The following PRKAB2 variants were observed in gnomAD, a reference collection of about 807,000 sequenced individuals.
PRKAB2 encodes 5'-AMP-activated protein kinase subunit beta-2.
PRKAB2 carries 18 observed loss-of-function variants against 29.8 expected under a neutral mutation model. That is an observed-to-expected ratio of 0.60 (90% CI 0.42 to 0.89). The LOEUF (loss-of-function observed/expected upper bound fraction) is 0.89, where lower values mean the gene tolerates loss of function less well. PRKAB2 is among the 40% of genes least tolerant of loss of function. The pLI, the probability that PRKAB2 is intolerant of heterozygous loss-of-function variation, is 0.00. For missense variants in PRKAB2, 270 were observed against 344.3 expected, an observed-to-expected ratio of 0.78 and a Z score of 1.71; for synonymous variants, 136 against 125.9, an observed-to-expected ratio of 1.08 and a Z score of -0.54.
At chr1:147,167,694 T>C in intron 3 of PRKAB2, 73 bp downstream of exon 3, 1 of 1,515,610 alleles carries the variant, frequency 6.6e-7, no homozygotes, top group East Asian at 2.3e-5. Flanking sequence ...AAAGTCCAGC[T>C]GGGTCTCTCT....
chr1:147,159,227 T>G lies in PRKAB2; in HGVS notation c.*338A>C, dbSNP rs1343102458. 7 of 228,292 alleles carry G rather than the reference T, an allele frequency of 3.1e-5. No individual in the cohort carries two copies. The highest frequency in any genetic ancestry group is 5.1e-5 in the Non-Finnish European group (6 of 116,550). The allele number at this position is 228,292 out of a possible 1,614,324, so 14.1% of individuals were successfully genotyped here. A position where few individuals can be genotyped will look rare whatever the true frequency, so the allele number is the denominator to read the frequency against. Reference sequence around the variant, plus strand: ...ATCCTAAGAGTTTGCTGTTCTTTCATTTTAGGAAAAATCTTCCTATATAGT... The same window carrying G: ...ATCCTAAGAGTTTGCTGTTCTTTCAGTTTAGGAAAAATCTTCCTATATAGT... On this transcript the variant is annotated 3_prime_UTR_variant, in exon 8 of 8. Coordinates refer to ENST00000254101, the MANE Select transcript of PRKAB2 (RefSeq NM_005399.5).
At chr1:147,165,380 G>A (rs1371202583) in intron 5 of PRKAB2, among the ~76,000 whole-genome samples, 2 of 152,156 alleles carry the variant, frequency 1.3e-5, no homozygotes, top group Non-Finnish European at 2.9e-5. Flanking sequence ...ATTCAAATAT[G>A]TTCCACTTAA....
chr1:147,156,849 C>T lies in PRKAB2; in HGVS notation c.*2716G>A, dbSNP rs1641182052. On this transcript the variant is annotated 3_prime_UTR_variant, in exon 8 of 8. Coordinates refer to ENST00000254101, the MANE Select transcript of PRKAB2 (RefSeq NM_005399.5). ...TCTGTACAGTGAGATCCAAGGACAC[C>T]ACCATGTGGTGTCTGATTTAATTTC... 6.6e-6 allele frequency: 1 copy of T among 152,056 alleles called. No individual in the cohort carries two copies. The highest frequency in any genetic ancestry group is 2.4e-5 in the African/African-American group (1 of 41,416). 9.4% of individuals were successfully genotyped at this position (152,056 alleles called of 1,614,324 possible).
At chr1:147,166,066 T>C (rs1055326624) in intron 5 of PRKAB2, among the ~76,000 whole-genome samples, 1 of 152,166 alleles carries the variant, frequency 6.6e-6, no homozygotes, top group Non-Finnish European at 1.5e-5. Context: ...CATAAAATCA[T>C]GAAACTGCTA....
chr1:147,172,188 G>T, intron 1 of PRKAB2, 21 bp from the exon 2 acceptor site: 1 of 1,510,336 alleles, frequency 6.6e-7, no homozygotes, highest in South Asian at 1.3e-5. Context: ...GAACGACACC[G>T]GGCTGGGAAC....
rs74119883 is a variant in PRKAB2 at position 147,161,910 on chromosome 1, A to G, written c.673-130T>C. ...CTAGAATGCGCTATCTCTTTTCAAT[A>G]ATGCACCCACTCTAGTATGTATCAA... On this transcript the variant is annotated intron_variant, in intron 6 of 7. Transcript: ENST00000254101. 6.1e-3 allele frequency: 4,137 copies of G among 676,808 alleles called. 119 individuals carry two copies. The African/African-American group carries it at 0.068, about 11-fold the overall frequency. 41.9% of individuals were successfully genotyped at this position (676,808 alleles called of 1,614,324 possible).
intron 2 of PRKAB2, among the ~76,000 whole-genome samples, chr1:147,170,562 C>T (rs1198613749): frequency 6.6e-6 from 1 of 152,058 alleles, no homozygotes; most frequent in Non-Finnish European, 1.5e-5. Context: ...ACTCTCACTT[C>T]TCTGTGATTA....
intron 2 of PRKAB2, among the ~76,000 whole-genome samples, chr1:147,170,688 T>C (rs1487481186): frequency 1.3e-5 from 2 of 152,134 alleles, no homozygotes; most frequent in African/African-American, 4.8e-5. Flanking sequence ...CAAGCGATTC[T>C]CCTGCCTCAG....
At chr1:147,170,533 A>G (rs960210871) in intron 2 of PRKAB2, among the ~76,000 whole-genome samples, 1 of 152,200 alleles carries the variant, frequency 6.6e-6, no homozygotes, top group Non-Finnish European at 1.5e-5. Context: ...ATAAACCCCA[A>G]TAAGTGCTCC....
chr1:147,159,625 A>G lies in PRKAB2; in HGVS notation c.759T>C (p.Leu253=), dbSNP rs1653852472. 3 of 1,613,508 alleles carry G rather than the reference A, an allele frequency of 1.9e-6. No individual in the cohort carries two copies. Among genetic ancestry groups the G allele is most frequent in the Non-Finnish European group, 2.5e-6 (3 of 1,179,654 alleles). Residue 253 remains leucine, a synonymous_variant, in exon 8 of 8, where the codon CTT becomes CTC. Transcript: ENST00000254101. ...TCTTCTTGTAGCGATGGGTTGCGCT[A>G]AGGACCATCACACTGTCCTGCAAGG... is the stretch of plus-strand genomic sequence containing the variant. ...ALSIKDSVMV[L]SATHRYKKKY...
At chr1:147,171,891 C>T (rs1264864540) in intron 2 of PRKAB2, 98 bp downstream of exon 2, 2 of 1,470,444 alleles carry the variant, frequency 1.4e-6, no homozygotes, top group Non-Finnish European at 1.9e-6. Context: ...AAACCATAGC[C>T]CGGTTCGGCG....
rs942925158 is a variant in PRKAB2 at position 147,156,561 on chromosome 1, C to T, written c.*3004G>A. 6.6e-6 allele frequency: 1 copy of T among 152,122 alleles called. No homozygotes were observed. Among genetic ancestry groups the T allele is most frequent in the East Asian group, 1.9e-4 (1 of 5,190 alleles). 9.4% of individuals were successfully genotyped at this position (152,122 alleles called of 1,614,324 possible). A position where few individuals can be genotyped will look rare whatever the true frequency, so the allele number is the denominator to read the frequency against. The stretch of plus-strand genomic sequence containing the variant: ...AAAGTTTCTCTACCATACAAACATA[C>T]GTTTTAAAAGCCAACACTATTGAGG... On this transcript the variant is annotated 3_prime_UTR_variant, in exon 8 of 8. Coordinates refer to ENST00000254101, the MANE Select transcript of PRKAB2 (RefSeq NM_005399.5).
chr1:147,163,750 C>A (rs1168008028), intron 5 of PRKAB2, among the ~76,000 whole-genome samples: 5 of 151,890 alleles, frequency 3.3e-5, no homozygotes, highest in Non-Finnish European at 5.9e-5. Flanking sequence ...GATAAAAATG[C>A]TCTGGAATTA....
At chr1:147,167,193 C>A (rs1559611945) in intron 3 of PRKAB2, among the ~76,000 whole-genome samples, 1 of 152,174 alleles carries the variant, frequency 6.6e-6, no homozygotes, top group Non-Finnish European at 1.5e-5. Flanking sequence ...TTAATCCCCT[C>A]AAATGGTTCA....
At chr1:147,165,182 C>T (rs1210345740) in intron 5 of PRKAB2, among the ~76,000 whole-genome samples, 2 of 152,150 alleles carry the variant, frequency 1.3e-5, no homozygotes, top group Admixed American at 6.5e-5. Context: ...CCTGCCACCA[C>T]ACCCAGCTAA....
rs1559604076 is a variant in PRKAB2 at position 147,155,256 on chromosome 1, C to T, written c.*4309G>A. The T allele has an allele frequency of 6.6e-6, 1 of 152,506 alleles. No homozygotes were observed. Among genetic ancestry groups the T allele is most frequent in the Admixed American group, 6.6e-5 (1 of 15,260 alleles). 9.4% of individuals were successfully genotyped at this position (152,506 alleles called of 1,614,324 possible). On this transcript the variant is annotated 3_prime_UTR_variant, in exon 8 of 8. Transcript: ENST00000254101. The stretch of plus-strand genomic sequence containing the variant: ...TTAAAATCCACTCTTGTCTGCCACT[C>T]CTTTATGAAATATTGAAAAGCAGCT...
At chr1:147,168,626 C>T (rs972139141) in intron 2 of PRKAB2, among the ~76,000 whole-genome samples, 11 of 152,156 alleles carry the variant, frequency 7.2e-5, no homozygotes, top group African/African-American at 2.7e-4. Context: ...AATACAATTT[C>T]CTTTATCAAA....
At chr1:147,167,993 C>T in intron 2 of PRKAB2, 60 bp from the exon 3 acceptor site, 1 of 1,535,958 alleles carries the variant, frequency 6.5e-7, no homozygotes, top group Non-Finnish European at 8.8e-7. Flanking sequence ...CTAAAAAGGT[C>T]ACTCTCCTCC....
At chr1:147,164,542 A>G (rs1454082117) in intron 5 of PRKAB2, among the ~76,000 whole-genome samples, 4 of 152,246 alleles carry the variant, frequency 2.6e-5, no homozygotes, top group African/African-American at 9.6e-5. Flanking sequence ...TCTTTAAAAC[A>G]TATGGAACTT....
Sources: gnomAD v4.1 joint callset for allele counts (sites outside exome capture counted in the v4.1 genomes callset) on GRCh38, gnomAD v4.1.1 for gene constraint, MANE v1.5 for transcripts, NCBI Gene and HGNC (gene_info 2026-07-23, HGNC 2026-07-21) for gene names.